PHKB: variants seen among roughly 807,000 people sequenced by gnomAD.
PHKB encodes phosphorylase kinase regulatory subunit beta, also known as phosphorylase b kinase regulatory subunit beta.
In PHKB, 122 loss-of-function variants were observed where a neutral mutation model predicts 152.1. That is an observed-to-expected ratio of 0.80 (90% confidence interval 0.69 to 0.93). PHKB has a LOEUF of 0.93. Ranked by LOEUF, PHKB falls within the 40% of genes least tolerant of loss-of-function variation. The pLI is 0.00. For missense variants in PHKB, 1,304 were observed against 1,328.4 expected (o/e 0.98, Z 0.29); for synonymous variants, 436 against 464.9 (o/e 0.94, Z 0.80).
chr16:47,530,809 A>G (rs1246866157), intron 6 of PHKB, among the ~76,000 whole-genome samples: 1 of 152,246 alleles, frequency 6.6e-6, no homozygotes, highest in Non-Finnish European at 1.5e-5. Context: ...GAAGATCTAA[A>G]TAAATATTAG....
chr16:47,639,270 A>G (rs1567337219), intron 14 of PHKB, among the ~76,000 whole-genome samples: 1 of 152,168 alleles, frequency 6.6e-6, no homozygotes, highest in Admixed American at 6.5e-5. Flanking sequence ...CAATAGAGTG[A>G]AAACCTGTCT....
intron 26 of PHKB, among the ~76,000 whole-genome samples, chr16:47,685,934 G>C (rs1036721962): frequency 3.3e-5 from 5 of 151,904 alleles, no homozygotes; most frequent in Admixed American, 2.0e-4. Flanking sequence ...GTGGAGACAG[G>C]GTTTCACCGT....
At chr16:47,626,356 A>G (rs1393695658) in intron 14 of PHKB, among the ~76,000 whole-genome samples, 2 of 152,178 alleles carry the variant, frequency 1.3e-5, no homozygotes, top group Admixed American at 6.5e-5. Context: ...TCTTGCCTCA[A>G]GTTGGCCCTT....
intron 20 of PHKB, among the ~76,000 whole-genome samples, chr16:47,657,000 T>G (rs1349949364): frequency 1.3e-5 from 2 of 152,220 alleles, no homozygotes; most frequent in Non-Finnish European, 2.9e-5. Flanking sequence ...TTTGTTTCTA[T>G]GTCATACTTT....
chr16:47,505,904 G>T (rs1395892451), intron 4 of PHKB, among the ~76,000 whole-genome samples: 2 of 151,388 alleles, frequency 1.3e-5, no homozygotes, highest in Admixed American at 6.6e-5. Flanking sequence ...TTGGTGGTGC[G>T]CACCCATAGT....
chr16:47,587,771 A>G lies in PHKB; in HGVS notation c.870+8A>G. On this transcript the variant is annotated splice_region_variant and intron_variant, in intron 9 of 30. Coordinates refer to ENST00000323584, the MANE Select transcript of PHKB (RefSeq NM_000293.3). ...AGAGAATCAAGATCACATGTGAGAC[A>G]TTTAATAATGATAAATTTAACATGA... The G allele has an allele frequency of 1.9e-6, 3 of 1,570,796 alleles. No individual in the cohort carries two copies. The highest frequency in any genetic ancestry group is 2.6e-6 in the Non-Finnish European group (3 of 1,140,434).
chr16:47,637,580 A>G (rs1213138066), intron 14 of PHKB, among the ~76,000 whole-genome samples: 1 of 152,190 alleles, frequency 6.6e-6, no homozygotes, highest in African/African-American at 2.4e-5. Flanking sequence ...AGAGTGGATG[A>G]GATTTGAGAA....
chr16:47,576,604 CA>C (rs1232612997), intron 7 of PHKB, among the ~76,000 whole-genome samples: 1 of 152,128 alleles, frequency 6.6e-6, no homozygotes, highest in Admixed American at 6.5e-5. Flanking sequence ...TCTATTCTTT[CA>C]GTTCTGTCAG....
intron 1 of PHKB, among the ~76,000 whole-genome samples, chr16:47,485,381 GTTAAGA>G (rs1371619588): frequency 2.6e-5 from 4 of 152,120 alleles, no homozygotes; most frequent in Non-Finnish European, 5.9e-5. Context: ...AACTATAGAG[GTTAAGA>G]TGCATCCATT....
At chr16:47,548,619 A>G (rs569317662) in intron 7 of PHKB, among the ~76,000 whole-genome samples, 1 of 152,214 alleles carries the variant, frequency 6.6e-6, no homozygotes, top group East Asian at 1.9e-4. Flanking sequence ...AAAAAAAAAA[A>G]AAAGAAACAC....
intron 14 of PHKB, among the ~76,000 whole-genome samples, chr16:47,640,645 A>G (rs2151726109): frequency 6.6e-6 from 1 of 152,324 alleles, no homozygotes; most frequent in South Asian, 2.1e-4. Flanking sequence ...AACAATTTTA[A>G]CTATCATTTT....
intron 7 of PHKB, among the ~76,000 whole-genome samples, chr16:47,574,982 A>T (rs933634253): frequency 6.6e-6 from 1 of 152,244 alleles, no homozygotes; most frequent in African/African-American, 2.4e-5. Context: ...TGGTGAGAGC[A>T]GACATTTTTG....
At chr16:47,610,540 G>C (rs1344173474) in intron 13 of PHKB, among the ~76,000 whole-genome samples, 1 of 151,940 alleles carries the variant, frequency 6.6e-6, no homozygotes, top group East Asian at 1.9e-4. Flanking sequence ...TTAGTAGTAT[G>C]TTTTCATTTC....
chr16:47,689,223 ACAT>A (rs1182785762), intron 27 of PHKB, 48 bp downstream of exon 27: 1 of 1,582,178 alleles, frequency 6.3e-7, no homozygotes, highest in Admixed American at 1.7e-5. Context: ...ATTTACAATA[ACAT>A]CATAATTTTT....
chr16:47,607,154 G>A (rs1468814995), intron 13 of PHKB, among the ~76,000 whole-genome samples: 2 of 151,958 alleles, frequency 1.3e-5, no homozygotes, highest in African/African-American at 2.4e-5. Flanking sequence ...TTTTAAAATA[G>A]CTTTATTGAG....
chr16:47,544,597 A>G (rs1047350726), intron 6 of PHKB, among the ~76,000 whole-genome samples: 7 of 152,318 alleles, frequency 4.6e-5, no homozygotes, highest in Admixed American at 3.3e-4. Flanking sequence ...GTAGATGTCT[A>G]TTACATGCAA....
chr16:47,488,698 G>A (rs1970093082), intron 1 of PHKB, among the ~76,000 whole-genome samples: 1 of 152,182 alleles, frequency 6.6e-6, no homozygotes, highest in Admixed American at 6.5e-5. Flanking sequence ...TTATTGAATA[G>A]GGAGTCATTT....
At chr16:47,592,652 A>G (rs1036388523) in intron 10 of PHKB, among the ~76,000 whole-genome samples, 1 of 151,778 alleles carries the variant, frequency 6.6e-6, no homozygotes, top group Non-Finnish European at 1.5e-5. Flanking sequence ...TTCCTACTGC[A>G]TAGTAGTTGT....
intron 29 of PHKB, among the ~76,000 whole-genome samples, chr16:47,697,830 C>T (rs557479446): frequency 1.3e-5 from 2 of 152,272 alleles, no homozygotes; most frequent in East Asian, 3.9e-4. Flanking sequence ...TATGTGATGG[C>T]CAAGCAATAG....
Sources: allele counts gnomAD v4.1 joint callset (sites outside exome capture counted in the v4.1 genomes callset), GRCh38; gene constraint gnomAD v4.1.1; transcripts MANE v1.5; gene names NCBI Gene and HGNC (gene_info 2026-07-23, HGNC 2026-07-21).